The following LLGL2 variants were observed in gnomAD, a reference collection of about 807,000 sequenced individuals.
LLGL2 encodes the protein LLGL scribble cell polarity complex component 2.
LLGL2 carries 81 observed loss-of-function variants against 123.2 expected under a neutral mutation model. The observed-to-expected ratio is 0.66, with a 90% CI of 0.55 to 0.79. The LOEUF (loss-of-function observed/expected upper bound fraction) is 0.79. Among genes scored for constraint, LLGL2 ranks in the 30% least tolerant of loss-of-function variants. The pLI, the probability that LLGL2 is intolerant of heterozygous loss-of-function variation, is 0.00. For missense variants in LLGL2, 1,273 were observed against 1,414.6 expected (o/e 0.90, Z 1.61); for synonymous variants, 577 against 594.1 (o/e 0.97, Z 0.42).
At chr17:75,542,072 C>T (rs187608916) in intron 1 of LLGL2, among the ~76,000 whole-genome samples, 1 of 151,932 alleles carries the variant, frequency 6.6e-6, no homozygotes, top group African/African-American at 2.4e-5. Flanking sequence ...AGCAAGCCCT[C>T]GGTTCCTCTG....
Position 75,569,037 on chromosome 17 carries a change from A to T in LLGL2, c.1382A>T (p.Tyr461Phe). 1 of 1,612,884 alleles carries T rather than the reference A, an allele frequency of 6.2e-7. No homozygotes were observed. Among genetic ancestry groups the T allele is most frequent in the Non-Finnish European group, 8.5e-7 (1 of 1,179,662 alleles). Residue 461 changes from tyrosine to phenylalanine, a missense_variant, in exon 13 of 26, where the codon TAC (tyrosine) becomes TTC (phenylalanine). Transcript: ENST00000392550. Reference sequence around the variant, plus strand: ...TCGGGTGTCTGCCTGCGGCTGCTCTACAAACTCAGCACTGTGCGCGTGTTC... The same window carrying T: ...TCGGGTGTCTGCCTGCGGCTGCTCTTCAAACTCAGCACTGTGCGCGTGTTC... ...DASGVCLRLLYKLSTVRVFLT... is the reference protein window; with the variant it reads ...DASGVCLRLLFKLSTVRVFLT...
rs779539721 is a variant in LLGL2 at position 75,573,234 on chromosome 17, A to G, written c.2681A>G (p.Asp894Gly). 5 of 1,609,594 alleles carry G rather than the reference A, an allele frequency of 3.1e-6. No homozygotes were observed. Among genetic ancestry groups the G allele is most frequent in the Non-Finnish European group, 3.4e-6 (4 of 1,177,330 alleles). Residue 894 changes from aspartate (D) to glycine (G), a missense_variant, in exon 20 of 26, where the codon GAC becomes GGC. By Grantham distance (94) the Asp-to-Gly change is moderately conservative. Coordinates refer to ENST00000392550, the MANE Select transcript of LLGL2 (RefSeq NM_001031803.2). ...QVRYSCIRRE[D>G]VSGIASCVFT... ...CGCTACAGCTGCATCCGCCGGGAGG[A>G]CGTCAGTGGCATCGCCTCCTGCGTC...
chr17:75,541,319 C>T (rs1446262271), intron 1 of LLGL2, among the ~76,000 whole-genome samples: 2 of 152,222 alleles, frequency 1.3e-5, no homozygotes, highest in Admixed American at 6.5e-5. Context: ...GCCTGGGCCC[C>T]GGGTGGGGGT....
intron 22 of LLGL2, 88 bp from the exon 23 acceptor site, chr17:75,574,125 C>T (rs1374206322): frequency 6.5e-7 from 1 of 1,534,712 alleles, no homozygotes; most frequent in Non-Finnish European, 8.8e-7. Flanking sequence ...GGGCCCTGGG[C>T]TTCCACATCC....
At position 75,573,480 on chromosome 17, in the gene LLGL2, G is replaced by A. The variant is rs1314684153; in HGVS notation, c.2726-1G>A. The A allele has an allele frequency of 6.2e-7, 1 of 1,606,348 alleles. No individual in the cohort carries two copies. The highest frequency in any genetic ancestry group is 1.7e-5 in the Admixed American group (1 of 59,862). On this transcript the variant is annotated splice_acceptor_variant, in intron 20 of 25. Coordinates refer to ENST00000392550, the MANE Select transcript of LLGL2 (RefSeq NM_001031803.2). LOFTEE classifies it high-confidence loss of function. Reference sequence around the variant, plus strand: ...CCGCTAGCATTGCCCCCACTCCCCAGGCTTCTACCTGATCTCACCCTCGGA... The same window carrying A: ...CCGCTAGCATTGCCCCCACTCCCCAAGCTTCTACCTGATCTCACCCTCGGA...
At chr17:75,566,709 C>T (rs1301624093) in intron 10 of LLGL2, among the ~76,000 whole-genome samples, 1 of 152,196 alleles carries the variant, frequency 6.6e-6, no homozygotes, top group Non-Finnish European at 1.5e-5. Context: ...GAGGAGAGAT[C>T]AGTCAAGGAT....
In LLGL2 at chr17:75,559,201, A is replaced by T. The variant is rs1175218511; in HGVS notation, c.372-51A>T. ...GGAGTCAGGGGACCCCGTCCATGGC[A>T]TCTCCCCTGCTGGGCAGTGGTCGGC... is the stretch of plus-strand genomic sequence containing the variant. On this transcript the variant is annotated intron_variant, in intron 5 of 25. Coordinates refer to ENST00000392550, the MANE Select transcript of LLGL2 (RefSeq NM_001031803.2). The surrounding 1 kb of genome is among the most constrained non-coding windows in gnomAD (Gnocchi z 4.6). 7 of 1,520,350 alleles carry T rather than the reference A, an allele frequency of 4.6e-6. No homozygotes were observed. The Admixed American group carries it at 1.5e-4, about 33-fold the overall frequency. 94.2% of individuals were successfully genotyped at this position (1,520,350 alleles called of 1,614,324 possible). A position where few individuals can be genotyped will look rare whatever the true frequency, so the allele number is the denominator to read the frequency against.
At position 75,558,721 on chromosome 17, in the gene LLGL2, C is replaced by T. The variant is rs759765759; in HGVS notation, c.371+94C>T. ...GACTCACCCTTTGTGAGGCCTGTTG[C>T]GCCCCTGGCAGTGACTGGCATGCGT... On this transcript the variant is annotated intron_variant, in intron 5 of 25. Coordinates refer to ENST00000392550, the MANE Select transcript of LLGL2 (RefSeq NM_001031803.2). This position sits in a 1 kb window ranked among gnomAD's most constrained non-coding sequence, Gnocchi z 4.0. 77 of 991,450 alleles carry T rather than the reference C, an allele frequency of 7.8e-5. No homozygotes were observed. The highest frequency in any genetic ancestry group is 1.5e-4 in the Admixed American group (7 of 47,230). 61.4% of individuals were successfully genotyped at this position (991,450 alleles called of 1,614,324 possible).
intron 8 of LLGL2, 82 bp downstream of exon 8, chr17:75,563,545 T>G (rs2055318318): frequency 1.3e-6 from 2 of 1,580,652 alleles, no homozygotes; most frequent in Non-Finnish European, 1.7e-6. Flanking sequence ...TGAAGCAAAC[T>G]CCAGGGCCAG....
Position 75,564,453 on chromosome 17 carries a change from T to C in LLGL2, c.982T>C (p.Phe328Leu). ...IHDGQQTAFDFTSRVIGFTVL... is the reference protein window; with the variant it reads ...IHDGQQTAFDLTSRVIGFTVL... ...CGATGGCCAGCAGACGGCCTTCGACTTCACCTCCCGTGTCATCGGCTTCAC... is the reference window on the plus strand; with the variant it reads ...CGATGGCCAGCAGACGGCCTTCGACCTCACCTCCCGTGTCATCGGCTTCAC... Residue 328 changes from phenylalanine (F) to leucine (L), a missense_variant, in exon 10 of 26, where the codon TTC becomes CTC. By Grantham distance (22) the Phe-to-Leu change is conservative. Coordinates refer to ENST00000392550, the MANE Select transcript of LLGL2 (RefSeq NM_001031803.2). This position sits in a 1 kb window ranked among gnomAD's most constrained non-coding sequence, Gnocchi z 4.9. 1.9e-6 allele frequency: 3 copies of C among 1,613,524 alleles called. No individual in the cohort carries two copies. Among genetic ancestry groups the C allele is most frequent in the Non-Finnish European group, 8.5e-7 (1 of 1,180,000 alleles).
intron 6 of LLGL2, among the ~76,000 whole-genome samples, chr17:75,560,527 C>T (rs1330539341): frequency 6.6e-6 from 1 of 151,956 alleles, no homozygotes; most frequent in Non-Finnish European, 1.5e-5. Flanking sequence ...ACTCTTGTTC[C>T]CCAGGCTAGA....
chr17:75,534,312 G>A (rs1411481881), intron 1 of LLGL2, among the ~76,000 whole-genome samples: 1 of 152,234 alleles, frequency 6.6e-6, no homozygotes, highest in African/African-American at 2.4e-5. Flanking sequence ...ATCCTCTTGG[G>A]GTTGTGGGAT....
Position 75,569,329 on chromosome 17 carries a change from G to A in LLGL2, c.1581+4G>A, listed in dbSNP as rs775224400. 4 of 1,610,568 alleles carry A rather than the reference G, an allele frequency of 2.5e-6. No individual in the cohort carries two copies. Among genetic ancestry groups the A allele is most frequent in the Non-Finnish European group, 2.5e-6 (3 of 1,177,890 alleles). ...TGTGGCAGGCACGGCAGGGCAGGTA[G>A]CAGGCTGGGCTGGGGAGGGGGAGCT... On this transcript the variant is annotated splice_donor_region_variant and intron_variant, in intron 14 of 25. Transcript: ENST00000392550.
rs780395498 is a variant in LLGL2, at chr17:75,558,487, T to G, written c.256-25T>G. On this transcript the variant is annotated intron_variant, in intron 4 of 25. Coordinates refer to ENST00000392550, the MANE Select transcript of LLGL2 (RefSeq NM_001031803.2). This position sits in a 1 kb window ranked among gnomAD's most constrained non-coding sequence, Gnocchi z 4.0. ...GCCTTGCCTGGGTAGCAAGACCACA[T>G]GATCCCGTCGTGTGCCCTCGCCAGT... is the stretch of plus-strand genomic sequence containing the variant. The G allele has an allele frequency of 1.3e-6, 2 of 1,549,564 alleles. No individual in the cohort carries two copies. Among genetic ancestry groups the G allele is most frequent in the South Asian group, 2.4e-5 (2 of 84,772 alleles).
intron 1 of LLGL2, among the ~76,000 whole-genome samples, chr17:75,536,392 C>G (rs958860785): frequency 6.6e-6 from 1 of 152,150 alleles, no homozygotes; most frequent in African/African-American, 2.4e-5. Context: ...AGCCTCGGGA[C>G]GATGGAATAG....
rs2147463980 is a variant in LLGL2, at chr17:75,564,055, A to G, written c.881+249A>G. ...AGACGGTACTGAGCAGCAGGTCTTA[A>G]ACTCCTTTAGTTGGCAGCCCTGTTT... On this transcript the variant is annotated intron_variant, in intron 9 of 25. Transcript: ENST00000392550. The surrounding 1 kb of genome is among the most constrained non-coding windows in gnomAD (Gnocchi z 4.9). 6.6e-6 allele frequency among the ~76,000 whole-genome samples: 1 copy of G among 152,290 alleles called. No individual in the cohort carries two copies. Among genetic ancestry groups the G allele is most frequent in the African/African-American group, 2.4e-5 (1 of 41,566 alleles).
At chr17:75,528,488 C>G (rs1244747769) in intron 1 of LLGL2, among the ~76,000 whole-genome samples, 1 of 152,096 alleles carries the variant, frequency 6.6e-6, no homozygotes, top group Non-Finnish European at 1.5e-5. Context: ...CCTGTAATCT[C>G]AGCACTTTGG....
At chr17:75,569,835 G>A in intron 14 of LLGL2, 128 bp from the exon 15 acceptor site, 1 of 959,184 alleles carries the variant, frequency 1.0e-6, no homozygotes, top group Non-Finnish European at 1.5e-6. Context: ...GAGAGCTGGG[G>A]TTGGACAGAG....
intron 19 of LLGL2, 148 bp downstream of exon 19, chr17:75,572,212 G>C (rs540104287): frequency 1.2e-6 from 1 of 831,314 alleles, no homozygotes; most frequent in East Asian, 2.7e-5. Flanking sequence ...AGTGAGGGGG[G>C]AGTCTCGTGT....
Sources: allele counts gnomAD v4.1 joint callset (sites outside exome capture counted in the v4.1 genomes callset), GRCh38; gene constraint gnomAD v4.1.1; non-coding constraint Gnocchi (gnomAD v3.1); transcripts MANE v1.5; gene names NCBI Gene and HGNC (gene_info 2026-07-23, HGNC 2026-07-21).